Variants in GCSAM observed in about 807,000 individuals in gnomAD.
GCSAM encodes the protein germinal center associated signaling and motility.
GCSAM carries 8 observed loss-of-function variants against 17.6 expected under a neutral mutation model. The observed-to-expected ratio is 0.46, with a 90% CI of 0.27 to 0.82. The LOEUF (loss-of-function observed/expected upper bound fraction) is 0.82, where lower values mean the gene tolerates loss of function less well. Among genes scored for constraint, GCSAM ranks in the 40% least tolerant of loss-of-function variants. The pLI, the probability that GCSAM is intolerant of heterozygous loss-of-function variation, is 0.15. For missense variants in GCSAM, 192 were observed against 213.5 expected (o/e 0.90, Z 0.63); for synonymous variants, 68 against 69.0 (o/e 0.98, Z 0.07).
At chr3:112,131,553 C>A (rs746182659) in intron 1 of GCSAM, among the ~76,000 whole-genome samples, 56 of 152,244 alleles carry the variant, frequency 3.7e-4, no homozygotes, top group African/African-American at 9.6e-4. Flanking sequence ...CCTCAAACTC[C>A]TGGGCTCAAG....
chr3:112,128,956 A>G (rs992921333), intron 2 of GCSAM: 2 of 152,230 alleles, frequency 1.3e-5, no homozygotes, highest in African/African-American at 4.8e-5. Flanking sequence ...GAGCTTTCCC[A>G]TGAAGTTTCA....
chr3:112,123,364 A>T lies in GCSAM; in HGVS notation c.*91T>A, dbSNP rs541527044. 3.8e-5 allele frequency: 59 copies of T among 1,545,290 alleles called. No individual in the cohort carries two copies. The East Asian group carries it at 9.9e-4, about 26-fold the overall frequency. On this transcript the variant is annotated 3_prime_UTR_variant, in exon 6 of 6. Transcript: ENST00000308910. ...AGGGTTGTTGTGGGAGATAAGCTGG[A>T]GGGACTTTGTGTCCCATCCCTGCTT...
At position 112,132,695 on chromosome 3, in the gene GCSAM, A is replaced by C. The variant is rs566905484; in HGVS notation, c.29+397T>G. ...CAAGGTGGCAGGAAGCTTGCTGTTT[A>C]TTTCAAACTTAAAATAGTGGCTGAA... On this transcript the variant is annotated intron_variant, in intron 1 of 5. Coordinates refer to ENST00000308910, the MANE Select transcript of GCSAM (RefSeq NM_152785.5). 5.3e-5 allele frequency: 52 copies of C among 988,000 alleles called. No individual in the cohort carries two copies. The African/African-American group carries it at 9.0e-4, about 17-fold the overall frequency. The allele number at this position is 988,000 out of a possible 1,614,324, so 61.2% of individuals were successfully genotyped here.
At chr3:112,131,760 A>C (rs2074458227) in intron 1 of GCSAM, among the ~76,000 whole-genome samples, 1 of 152,250 alleles carries the variant, frequency 6.6e-6, no homozygotes, top group South Asian at 2.1e-4. Context: ...ATCAAAACTT[A>C]TGTGAGTTGA....
At chr3:112,125,967 C>T (rs2074308750) in intron 4 of GCSAM, among the ~76,000 whole-genome samples, 1 of 152,192 alleles carries the variant, frequency 6.6e-6, no homozygotes. Flanking sequence ...AACATGTGCC[C>T]TCACATGAAA....
At chr3:112,131,852 G>A (rs975366825) in intron 1 of GCSAM, among the ~76,000 whole-genome samples, 5 of 152,080 alleles carry the variant, frequency 3.3e-5, no homozygotes, top group African/African-American at 1.2e-4. Flanking sequence ...ATTTAAAATC[G>A]AATTTTCTTT....
chr3:112,123,502 G>T lies in GCSAM; in HGVS notation c.490C>A (p.Pro164Thr). 1 of 1,614,158 alleles carries T rather than the reference G, an allele frequency of 6.2e-7. No homozygotes were observed. Among genetic ancestry groups the T allele is most frequent in the Non-Finnish European group, 8.5e-7 (1 of 1,180,008 alleles). Residue 164 changes from proline (P) to threonine (T), a missense_variant, in exon 6 of 6, where the codon CCA becomes ACA. Transcript: ENST00000308910. ...HRISSHFLQQPRPLMAPSETQ... is the reference protein window; with the variant it reads ...HRISSHFLQQTRPLMAPSETQ... Reference sequence around the variant, plus strand: ...TCAGAAGGGGCCATAAGTGGACGTGGCTGTTGCAGAAAGTGAGAGGAGATT... The same window carrying T: ...TCAGAAGGGGCCATAAGTGGACGTGTCTGTTGCAGAAAGTGAGAGGAGATT...
chr3:112,130,786 G>A (rs990968362), intron 1 of GCSAM: 1 of 470,004 alleles, frequency 2.1e-6, no homozygotes, highest in Admixed American at 3.3e-5. Flanking sequence ...AAATATCCAG[G>A]GATCCTCGTC....
Position 112,123,557 on chromosome 3 carries a change from T to C in GCSAM, c.435A>G (p.Glu145=). Reference sequence around the variant, plus strand: ...GAGGCATGAGAAGTTCATATTCATCTTCTGGGGATCGGGCATGCCTGGGGT... The same window carrying C: ...GAGGCATGAGAAGTTCATATTCATCCTCTGGGGATCGGGCATGCCTGGGGT... ...STDPRHARSP[E]DEYELLMPHR... Residue 145 remains glutamate (E), a synonymous_variant, in exon 6 of 6, where the codon GAA becomes GAG. Coordinates refer to ENST00000308910, the MANE Select transcript of GCSAM (RefSeq NM_152785.5). 1 of 1,614,202 alleles carries C rather than the reference T, an allele frequency of 6.2e-7. No individual in the cohort carries two copies. Among genetic ancestry groups the C allele is most frequent in the Non-Finnish European group, 8.5e-7 (1 of 1,180,028 alleles).
intron 2 of GCSAM, chr3:112,129,339 G>A (rs1335550335): frequency 6.6e-6 from 1 of 152,118 alleles, no homozygotes; most frequent in African/African-American, 2.4e-5. Context: ...GCTTACACAT[G>A]GAGTTATAAG....
chr3:112,128,971 G>A (rs1014038215), intron 2 of GCSAM: 1 of 152,278 alleles, frequency 6.6e-6, no homozygotes, highest in African/African-American at 2.4e-5. Context: ...GTTTCATCAG[G>A]AGGAGCAGTG....
intron 5 of GCSAM, 30 bp downstream of exon 5, chr3:112,125,196 C>CA: frequency 1.3e-6 from 2 of 1,487,524 alleles, no homozygotes; most frequent in South Asian, 1.1e-5. Context: ...ATCATCATCT[C>CA]AAAAAATAGC....
intron 1 of GCSAM, chr3:112,132,546 G>T: frequency 6.1e-6 from 3 of 490,716 alleles, no homozygotes; most frequent in Non-Finnish European, 7.9e-6. Context: ...GGTAGATATT[G>T]TATTATTATT....
intron 2 of GCSAM, chr3:112,128,454 A>G: frequency 5.8e-6 from 2 of 347,788 alleles, no homozygotes; most frequent in South Asian, 2.4e-5. Flanking sequence ...GTATTTTACT[A>G]TATTCTGAAT....
chr3:112,130,416 G>A (rs372190440), intron 2 of GCSAM, 29 bp downstream of exon 2: 2 of 1,585,484 alleles, frequency 1.3e-6, no homozygotes, highest in Non-Finnish European at 1.7e-6. Flanking sequence ...GGCAAGGTCT[G>A]GGGGGTGTTT....
In GCSAM at chr3:112,133,093, T is replaced by C. The variant is rs761282596; in HGVS notation, c.28A>G (p.Arg10Gly). 6.2e-7 allele frequency: 1 copy of C among 1,613,774 alleles called. No individual in the cohort carries two copies. Among genetic ancestry groups the C allele is most frequent in the Non-Finnish European group, 8.5e-7 (1 of 1,179,634 alleles). ...CTCCCACAGGGAGTCTAGACTTACC[T>C]GTTTTCTCTCAGCAGAGAATTTCCC... MGNSLLREN[R>G]RQQNTQEMPW... The change falls in exon 1 of 6, where the codon AGG (arginine) becomes GGG (glycine). Residue 10 changes from arginine to glycine, a missense_variant and splice_region_variant. Physicochemically the swap from Arg to Gly is moderately radical, Grantham distance 125. Coordinates refer to ENST00000308910, the MANE Select transcript of GCSAM (RefSeq NM_152785.5).
Position 112,130,871 on chromosome 3 carries a change from G to A in GCSAM, c.30-358C>T, listed in dbSNP as rs60341409. 8.5e-3 allele frequency: 2,464 copies of A among 289,272 alleles called. 64 individuals are homozygous for A. Among genetic ancestry groups the A allele is most frequent in the African/African-American group, 0.048 (2,262 of 46,810 alleles). 17.9% of individuals were successfully genotyped at this position (289,272 alleles called of 1,614,324 possible). On this transcript the variant is annotated intron_variant, in intron 1 of 5. Transcript: ENST00000308910. ...TACCATCTCTTTGGTGCAGTTCCAG[G>A]AGCTATGCACAAGTAATGGGGAAAG...
chr3:112,124,778 C>T (rs112017241), intron 5 of GCSAM, among the ~76,000 whole-genome samples: 33 of 152,240 alleles, frequency 2.2e-4, no homozygotes, highest in Non-Finnish European at 3.8e-4. Flanking sequence ...CAGCAAAGTA[C>T]AGGGGGAAAA....
chr3:112,130,615 T>A, intron 1 of GCSAM, 102 bp from the exon 2 acceptor site: 2 of 1,029,732 alleles, frequency 1.9e-6, no homozygotes, highest in Non-Finnish European at 3.0e-6. Context: ...TATTTGTGTG[T>A]AACTCAGAAA....
Sources: allele counts gnomAD v4.1 joint callset (sites outside exome capture counted in the v4.1 genomes callset), GRCh38; gene constraint gnomAD v4.1.1; transcripts MANE v1.5; gene names NCBI Gene and HGNC (gene_info 2026-07-23, HGNC 2026-07-21).